Variants in PNKD observed in about 807,000 individuals in gnomAD.
PNKD encodes the protein probable thioesterase PNKD.
PNKD carries 36 observed loss-of-function variants against 45.3 expected under a neutral mutation model. That is an observed-to-expected ratio of 0.80 (90% CI 0.61 to 1.05). PNKD has a LOEUF of 1.05. Ranked by LOEUF, PNKD falls within the 50% of genes least tolerant of loss-of-function variation. PNKD has a pLI of 0.00. For synonymous variants in PNKD, 197 were observed against 210.1 expected, an observed-to-expected ratio of 0.94 and a Z score of 0.54; for missense variants, 511 against 506.6, an observed-to-expected ratio of 1.01 and a Z score of -0.08.
chr2:218,319,811 G>A (rs961695781), intron 2 of PNKD, among the ~76,000 whole-genome samples: 2 of 152,252 alleles, frequency 1.3e-5, no homozygotes, highest in Admixed American at 6.5e-5. Context: ...AGGCGAAATC[G>A]CCACTGTTGA....
chr2:218,333,168 G>GC (rs1395782243), intron 2 of PNKD, among the ~76,000 whole-genome samples: 1 of 152,124 alleles, frequency 6.6e-6, no homozygotes, highest in Non-Finnish European at 1.5e-5. Context: ...ATGTCTGTTG[G>GC]CCCTCCCTTT....
intron 2 of PNKD, among the ~76,000 whole-genome samples, chr2:218,330,978 A>G (rs1364891310): frequency 1.3e-5 from 2 of 152,214 alleles, no homozygotes; most frequent in Non-Finnish European, 2.9e-5. Context: ...AGAAAGGGAA[A>G]CTGAGGTTAG....
chr2:218,282,066 A>G (rs1692072283), intron 2 of PNKD: 1 of 1,592,018 alleles, frequency 6.3e-7, no homozygotes, highest in Non-Finnish European at 8.6e-7. Flanking sequence ...GGCTGCCCAT[A>G]GCCCCCAGGG....
chr2:218,341,838 G>C (rs1694686053), intron 6 of PNKD, 143 bp from the exon 7 acceptor site: 1 of 798,620 alleles, frequency 1.3e-6, no homozygotes, highest in East Asian at 2.7e-5. Flanking sequence ...GTTCGGACCT[G>C]AGACCCGAGG....
intron 2 of PNKD, among the ~76,000 whole-genome samples, chr2:218,315,082 C>CCT (rs3055251): frequency 1.3e-5 from 1 of 77,788 alleles, no homozygotes; most frequent in Non-Finnish European, 2.8e-5. Flanking sequence ...TCCTTTCTTT[C>CCT]TCTCTCTCTC....
At chr2:218,281,591 G>A (rs1159379480) in intron 2 of PNKD, among the ~76,000 whole-genome samples, 1 of 152,220 alleles carries the variant, frequency 6.6e-6, no homozygotes, top group Non-Finnish European at 1.5e-5. Flanking sequence ...GACAGGTCTG[G>A]GAGGTGGCAG....
chr2:218,294,757 C>A (rs1166789931), intron 2 of PNKD, among the ~76,000 whole-genome samples: 1 of 152,210 alleles, frequency 6.6e-6, no homozygotes, highest in Non-Finnish European at 1.5e-5. Flanking sequence ...GGATTATAGG[C>A]GTGAGCCACT....
chr2:218,272,511 G>C, intron 2 of PNKD: 2 of 1,547,634 alleles, frequency 1.3e-6, no homozygotes, highest in Non-Finnish European at 1.8e-6. Flanking sequence ...ACTCCCCCCA[G>C]CTCCTCTGGC....
At position 218,273,010 on chromosome 2, in the gene PNKD, G is replaced by A. The variant is rs1025130942; in HGVS notation, c.236+1461G>A. ...GCAGAGGGTGGGGCTGGTTACTCAT[G>A]TGTGCTCCCTCTCACAGAGCTCAGT... is the stretch of plus-strand genomic sequence containing the variant. On this transcript the variant is annotated intron_variant, in intron 2 of 9. Transcript: ENST00000273077. 55 of 1,149,774 alleles carry A rather than the reference G, an allele frequency of 4.8e-5. No homozygotes were observed. The African/African-American group carries it at 7.6e-4, about 16-fold the overall frequency. The allele number at this position is 1,149,774 out of a possible 1,614,324, so 71.2% of individuals were successfully genotyped here. A position where few individuals can be genotyped will look rare whatever the true frequency, so the allele number is the denominator to read the frequency against.
intron 2 of PNKD, among the ~76,000 whole-genome samples, chr2:218,321,929 T>G (rs1693996811): frequency 1.0e-5 from 1 of 99,982 alleles, no homozygotes; most frequent in African/African-American, 3.6e-5. Context: ...CGGCCGAGCT[T>G]GACTCTTTTT....
intron 2 of PNKD, among the ~76,000 whole-genome samples, chr2:218,315,036 C>CG (rs1435659571): frequency 1.5e-4 from 1 of 6,602 alleles, no homozygotes; most frequent in African/African-American, 3.3e-4. Flanking sequence ...TTCTTTCTTT[C>CG]TTTTTCTTTC....
At chr2:218,304,150 C>T (rs1451841053) in intron 2 of PNKD, among the ~76,000 whole-genome samples, 3 of 152,034 alleles carry the variant, frequency 2.0e-5, no homozygotes, top group Non-Finnish European at 4.4e-5. Flanking sequence ...CCACACAGCT[C>T]TGTCTTTGTT....
At chr2:218,297,347 G>T (rs115144370) in intron 2 of PNKD, among the ~76,000 whole-genome samples, 3 of 152,150 alleles carry the variant, frequency 2.0e-5, no homozygotes, top group Non-Finnish European at 4.4e-5. Context: ...TCCAGCTTTG[G>T]CACTAAAGGA....
chr2:218,279,385 T>C (rs1408770225), intron 2 of PNKD: 3 of 1,527,852 alleles, frequency 2.0e-6, no homozygotes, highest in East Asian at 4.6e-5. Flanking sequence ...TGGGTCACCA[T>C]CCGGCACCCC....
In PNKD at chr2:218,344,904, A is replaced by G; in HGVS notation, c.1081A>G (p.Thr361Ala). ...GGCTCTGGGGCCGGGGCCGGGCCCC[A>G]CTGGGGATGATGACTACTCCCGGGC... is the stretch of plus-strand genomic sequence containing the variant. ...QEALGPGPGPTGDDDYSRAQL... is the reference protein window; with the variant it reads ...QEALGPGPGPAGDDDYSRAQL... The change falls in exon 10 of 10, where the codon ACT (threonine) becomes GCT (alanine). Residue 361 changes from threonine to alanine, a missense_variant. Thr to Ala is a moderately conservative substitution (Grantham distance 58). Coordinates refer to ENST00000273077, the MANE Select transcript of PNKD (RefSeq NM_015488.5). The G allele has an allele frequency of 6.2e-7, 1 of 1,613,972 alleles. No homozygotes were observed. Among genetic ancestry groups the G allele is most frequent in the Admixed American group, 1.7e-5 (1 of 60,016 alleles).
chr2:218,334,713 C>A, intron 2 of PNKD: 1 of 702,866 alleles, frequency 1.4e-6, no homozygotes, highest in Admixed American at 2.0e-5. Context: ...ATGCCCTCCT[C>A]AGTGCATCAT....
intron 2 of PNKD, among the ~76,000 whole-genome samples, chr2:218,288,048 T>C (rs1692659139): frequency 6.6e-6 from 1 of 152,226 alleles, no homozygotes; most frequent in African/African-American, 2.4e-5. Flanking sequence ...CTTCCTTCTT[T>C]GTTTCATCTC....
At chr2:218,287,416 C>T (rs1692609065) in intron 2 of PNKD, 1 of 152,608 alleles carries the variant, frequency 6.6e-6, no homozygotes. Context: ...AGCTCAGAAA[C>T]AGTTAAGACC....
At chr2:218,335,380 C>T (rs910170695) in intron 2 of PNKD, among the ~76,000 whole-genome samples, 1 of 151,852 alleles carries the variant, frequency 6.6e-6, no homozygotes, top group Non-Finnish European at 1.5e-5. Context: ...ACTTGGGAGG[C>T]TGAGGCAGGA....
Sources: gnomAD v4.1 joint callset for allele counts (sites outside exome capture counted in the v4.1 genomes callset) on GRCh38, gnomAD v4.1.1 for gene constraint, MANE v1.5 for transcripts, NCBI Gene and HGNC (gene_info 2026-07-23, HGNC 2026-07-21) for gene names.